SLC4A1: variants seen among roughly 807,000 people sequenced by gnomAD.
SLC4A1 encodes band 3 anion transport protein.
In SLC4A1, 29 loss-of-function variants were observed where a neutral mutation model predicts 93.1. The observed-to-expected ratio is 0.31, with a 90% CI of 0.23 to 0.42. The LOEUF is 0.42. SLC4A1 is among the 20% of genes least tolerant of loss of function. The pLI is 1.00. For synonymous variants in SLC4A1, 469 were observed against 497.2 expected, an observed-to-expected ratio of 0.94 and a Z score of 0.76; for missense variants, 965 against 1,190.1, an observed-to-expected ratio of 0.81 and a Z score of 2.78.
In SLC4A1 at chr17:44,255,731, G is replaced by T. The variant is rs142161945; in HGVS notation, c.1742C>A (p.Thr581Asn). 4.4e-5 allele frequency: 71 copies of T among 1,614,112 alleles called. No individual in the cohort carries two copies. In the African/African-American group the frequency reaches 8.7e-4, roughly 20 times the overall value. ...ALLSLVLMAG[T>N]FFFAMMLRKF... ...GCGCAGCATCATGGCAAAGAAGAAG[G>T]TACCGGCCATGAGCACAAGGGAGAG... The change falls in exon 14 of 20, where the codon ACC (threonine) becomes AAC (asparagine). Residue 581 changes from threonine (T) to asparagine (N), a missense_variant. By Grantham distance (65) the Thr-to-Asn change is moderately conservative. Around this residue, in one of 2 missense-constraint regions of SLC4A1, gnomAD observed 770 missense variants for 1,006.6 expected, o/e 0.76. Transcript: ENST00000262418.
In SLC4A1 at chr17:44,251,409, G is replaced by T. The variant is rs1326058313; in HGVS notation, c.2481+10C>A. On this transcript the variant is annotated intron_variant, in intron 18 of 19. Transcript: ENST00000262418. Reference sequence around the variant, plus strand: ...ACCCCAGGCTGGGCAGCCAGAAAAGGGTCCTGTACCCGCTTGACGTAGGGC... The same window carrying T: ...ACCCCAGGCTGGGCAGCCAGAAAAGTGTCCTGTACCCGCTTGACGTAGGGC... 1.9e-6 allele frequency: 3 copies of T among 1,614,262 alleles called. No homozygotes were observed. The African/African-American group carries it at 4.0e-5, about 22-fold the overall frequency.
chr17:44,255,553 A>C, intron 14 of SLC4A1, 120 bp downstream of exon 14: 1 of 1,109,638 alleles, frequency 9.0e-7, no homozygotes, highest in Non-Finnish European at 1.4e-6. Context: ...GGGAGGTTGG[A>C]ATTGGGAATG....
intron 1 of SLC4A1, among the ~76,000 whole-genome samples, chr17:44,263,394 C>T (rs2047464129): frequency 6.6e-6 from 1 of 152,160 alleles, no homozygotes; most frequent in African/African-American, 2.4e-5. Flanking sequence ...CTGCAGCATC[C>T]TTGGGAGTGG....
intron 13 of SLC4A1, among the ~76,000 whole-genome samples, chr17:44,256,447 C>T (rs1237045235): frequency 6.6e-6 from 1 of 152,122 alleles, no homozygotes. Context: ...ACAGAAAGAC[C>T]CTCCATCCAA....
chr17:44,264,881 C>T (rs894261731), intron 1 of SLC4A1, among the ~76,000 whole-genome samples: 2 of 151,936 alleles, frequency 1.3e-5, no homozygotes, highest in Non-Finnish European at 2.9e-5. Flanking sequence ...TCCCTCCTCG[C>T]CCACTACAGC....
At chr17:44,253,916 C>G (rs889467601) in intron 16 of SLC4A1, among the ~76,000 whole-genome samples, 1 of 151,228 alleles carries the variant, frequency 6.6e-6, no homozygotes, top group East Asian at 1.9e-4. Flanking sequence ...GTGATCCCCC[C>G]GTCTTGGCTT....
At chr17:44,261,016 C>T (rs1430059831) in intron 4 of SLC4A1, among the ~76,000 whole-genome samples, 1 of 152,198 alleles carries the variant, frequency 6.6e-6, no homozygotes, top group African/African-American at 2.4e-5. Context: ...TTGGAGAACC[C>T]TGACCCAAAG....
At position 44,251,551 on chromosome 17, in the gene SLC4A1, G is replaced by A; in HGVS notation, c.2349C>T (p.Ile783=). Reference sequence around the variant, plus strand: ...AGATGCCAAACAGTACAGCCAGGGGGATGCGGGACAGGATGGGCTCCATGA... The same window carrying A: ...AGATGCCAAACAGTACAGCCAGGGGAATGCGGGACAGGATGGGCTCCATGA... ...SILMEPILSR[I]PLAVLFGIFL... The change falls in exon 18 of 20, where the codon ATC becomes ATT. Residue 783 remains isoleucine, a synonymous_variant. Transcript: ENST00000262418. 8 of 1,614,110 alleles carry A rather than the reference G, an allele frequency of 5.0e-6. No individual in the cohort carries two copies. Among genetic ancestry groups the A allele is most frequent in the Non-Finnish European group, 6.8e-6 (8 of 1,180,014 alleles).
chr17:44,259,708 T>C, intron 7 of SLC4A1, 101 bp downstream of exon 7: 2 of 1,575,456 alleles, frequency 1.3e-6, no homozygotes, highest in Non-Finnish European at 1.7e-6. Context: ...GTGCTTCTGG[T>C]CCCCTGCTTG....
intron 1 of SLC4A1, among the ~76,000 whole-genome samples, chr17:44,265,208 C>G (rs1000810826): frequency 2.0e-5 from 3 of 152,050 alleles, no homozygotes; most frequent in Non-Finnish European, 4.4e-5. Context: ...AAACTGGGAA[C>G]ACAGGGCAGC....
rs1282748487 is a variant in SLC4A1, at chr17:44,259,745, G to C, written c.609+64C>G. ...GGTCGGTTTTTCAGGACCCCTGCTG[G>C]CGTTTGAGAAAGCTCTCTCCTTGCC... On this transcript the variant is annotated intron_variant, in intron 7 of 19. Transcript: ENST00000262418. 3 of 1,611,084 alleles carry C rather than the reference G, an allele frequency of 1.9e-6. No individual in the cohort carries two copies. The African/African-American group carries it at 4.0e-5, about 22-fold the overall frequency.
chr17:44,261,619 T>C lies in SLC4A1; in HGVS notation c.124A>G (p.Thr42Ala). Residue 42 changes from threonine (T) to alanine (A), a missense_variant, in exon 4 of 20, where the codon ACA (threonine) becomes GCA (alanine). Around this residue, in one of 2 missense-constraint regions of SLC4A1, gnomAD observed 195 missense variants for 183.5 expected, o/e 1.06. Coordinates refer to ENST00000262418, the MANE Select transcript of SLC4A1 (RefSeq NM_000342.4). ...EEPAAHDTEA[T>A]ATDYHTTSHP... ...GATGTGGTGTGGTAGTCTGTGGCTG[T>C]TGCCTCGGTGTCGTGAGCTGAAAAC... The C allele has an allele frequency of 6.2e-7, 1 of 1,614,204 alleles. No homozygotes were observed. The highest frequency in any genetic ancestry group is 1.1e-5 in the South Asian group (1 of 91,086).
intron 17 of SLC4A1, among the ~76,000 whole-genome samples, chr17:44,252,047 CTTTTTTTTTTTTTT>C (rs966641655): frequency 1.4e-5 from 1 of 69,100 alleles, no homozygotes; most frequent in South Asian, 4.6e-4. Flanking sequence ...TCCTATGGGT[CTTTTTTTTTTTTTT>C]TTTTTTTTTT....
rs999633693 is a variant in SLC4A1, at chr17:44,258,282, G to A, written c.1088-102C>T. On this transcript the variant is annotated intron_variant, in intron 10 of 19. Coordinates refer to ENST00000262418, the MANE Select transcript of SLC4A1 (RefSeq NM_000342.4). The surrounding 1 kb of genome is among the most constrained non-coding windows in gnomAD (Gnocchi z 6.1). Reference sequence around the variant, plus strand: ...GGAGATTGTCTGATGGGAATGGGGCGGCGAAGAAGTCTGGAAGATGTGGGC... The same window carrying A: ...GGAGATTGTCTGATGGGAATGGGGCAGCGAAGAAGTCTGGAAGATGTGGGC... 1.9e-5 allele frequency: 27 copies of A among 1,418,498 alleles called. No individual in the cohort carries two copies. The highest frequency in any genetic ancestry group is 9.2e-5 in the South Asian group (8 of 86,866). The allele number at this position is 1,418,498 out of a possible 1,614,324, so 87.9% of individuals were successfully genotyped here. A position where few individuals can be genotyped will look rare whatever the true frequency, so the allele number is the denominator to read the frequency against.
At chr17:44,255,324 C>T in intron 14 of SLC4A1, 28 bp from the exon 15 acceptor site, 1 of 1,520,536 alleles carries the variant, frequency 6.6e-7, no homozygotes, top group Non-Finnish European at 8.9e-7. Context: ...GACCAGTGGT[C>T]AGTGCCCAGT....
At position 44,251,167 on chromosome 17, in the gene SLC4A1, G is replaced by A; in HGVS notation, c.2647C>T (p.Leu883Phe). 6.2e-7 allele frequency: 1 copy of A among 1,602,130 alleles called. No individual in the cohort carries two copies. The highest frequency in any genetic ancestry group is 8.5e-7 in the Non-Finnish European group (1 of 1,174,428). The change falls in exon 19 of 20, where the codon CTT becomes TTT. Residue 883 changes from leucine to phenylalanine, a missense_variant. This residue lies in a region of SLC4A1 where 770 missense variants were observed against 1,006.6 expected (regional missense o/e 0.76). Transcript: ENST00000262418. ...LLPLIFRNVE[L>F]QCLDADDAKA... ...CCCAGGCAGCCACTCACACACTGAA[G>A]CTCCACGTTCCTGAAGATGAGCGGC...
At chr17:44,257,837 G>C in intron 11 of SLC4A1, 30 bp from the exon 12 acceptor site, 1 of 1,612,946 alleles carries the variant, frequency 6.2e-7, no homozygotes, top group Non-Finnish European at 8.5e-7. Context: ...TGGGATCAAG[G>C]TCAGGAGATC....
intron 19 of SLC4A1, 56 bp from the exon 20 acceptor site, chr17:44,250,594 C>T (rs2047329917): frequency 7.0e-7 from 1 of 1,435,172 alleles, no homozygotes; most frequent in South Asian, 1.1e-5. Context: ...CCAGAAGAGC[C>T]CTCCCCGGGC....
In SLC4A1 at chr17:44,260,696, G is replaced by C; in HGVS notation, c.288C>G (p.Arg96=). 6.2e-7 allele frequency: 1 copy of C among 1,614,162 alleles called. No individual in the cohort carries two copies. Among genetic ancestry groups the C allele is most frequent in the African/African-American group, 1.3e-5 (1 of 75,026 alleles). Residue 96 remains arginine (R), a synonymous_variant, in exon 5 of 20, where the codon CGC becomes CGG. Transcript: ENST00000262418. ...AGAAGGTGAGGTGAGAGAGGTGCGG[G>C]CGGCCCCAGGCCCCATTCTCCCCCA... ...ENLGENGAWG[R]PHLSHLTFWS...
Sources: gnomAD v4.1 joint callset for allele counts (sites outside exome capture counted in the v4.1 genomes callset) on GRCh38, gnomAD v4.1.1 for gene constraint, gnomAD v4.1.1 regional missense constraint, Gnocchi (gnomAD v3.1) non-coding constraint, MANE v1.5 for transcripts, NCBI Gene and HGNC (gene_info 2026-07-23, HGNC 2026-07-21) for gene names.